MED25: variants seen among roughly 807,000 people sequenced by gnomAD.
The protein encoded by MED25 is mediator complex subunit 25.
In MED25, 62 loss-of-function variants were observed where a neutral mutation model predicts 89.4. The ratio of observed to expected loss-of-function variants is 0.69; its 90% CI spans 0.57 to 0.86. The LOEUF (loss-of-function observed/expected upper bound fraction) is 0.86, where lower values mean the gene tolerates loss of function less well. Among genes scored for constraint, MED25 ranks in the 40% least tolerant of loss-of-function variants. The probability of loss-of-function intolerance (pLI) is 0.00; values close to 1 mark genes in which losing one functional copy is unlikely to be tolerated. For missense variants in MED25, 905 were observed against 1,005.2 expected, an observed-to-expected ratio of 0.90 and a Z score of 1.35; for synonymous variants, 449 against 427.9, an observed-to-expected ratio of 1.05 and a Z score of -0.61.
At chr19:49,832,044 G>T in intron 11 of MED25, 23 bp downstream of exon 11, 1 of 1,612,924 alleles carries the variant, frequency 6.2e-7, no homozygotes, top group Non-Finnish European at 8.5e-7. Flanking sequence ...CAGGGGCGGG[G>T]TGTGGTGGGG....
At chr19:49,821,583 A>G (rs1198939485) in intron 3 of MED25, among the ~76,000 whole-genome samples, 3 of 151,776 alleles carry the variant, frequency 2.0e-5, no homozygotes, top group African/African-American at 4.8e-5. Context: ...CCTGTCCAAC[A>G]TGGTGAAACC....
intron 3 of MED25, among the ~76,000 whole-genome samples, chr19:49,825,247 T>G (rs139620856): frequency 2.6e-5 from 4 of 152,018 alleles, no homozygotes; most frequent in African/African-American, 4.8e-5. Flanking sequence ...ATAAGGGTTT[T>G]GTTTTGTTTT....
rs2074058306 is a variant in MED25 at position 49,831,620 on chromosome 19, A to G, written c.1230+159A>G. Among the ~76,000 whole-genome samples, 2 of 152,172 alleles carry G rather than the reference A, an allele frequency of 1.3e-5. No homozygotes were observed. The highest frequency in any genetic ancestry group is 2.9e-5 in the Non-Finnish European group (2 of 68,024). Reference sequence around the variant, plus strand: ...GATGCGGGGCGAGGCCAGGAGCCCCATGGAGTGGTGGGACTTGCGGTACAG... The same window carrying G: ...GATGCGGGGCGAGGCCAGGAGCCCCGTGGAGTGGTGGGACTTGCGGTACAG... On this transcript the variant is annotated intron_variant, in intron 10 of 17. Transcript: ENST00000312865. The surrounding 1 kb of genome is among the most constrained non-coding windows in gnomAD (Gnocchi z 5.0).
At position 49,835,194 on chromosome 19, in the gene MED25, C is replaced by T. The variant is rs2074086439; in HGVS notation, c.1674+17C>T. 8 of 1,613,458 alleles carry T rather than the reference C, an allele frequency of 5.0e-6. No homozygotes were observed. Among genetic ancestry groups the T allele is most frequent in the Non-Finnish European group, 6.8e-6 (8 of 1,179,834 alleles). ...CAGCGAGGAGTGAGTGTTGACAGTC[C>T]CCAAACCAGCACTCCGACCCCCTCC... On this transcript the variant is annotated intron_variant, in intron 14 of 17. Transcript: ENST00000312865. This position sits in a 1 kb window ranked among gnomAD's most constrained non-coding sequence, Gnocchi z 6.2.
At position 49,831,514 on chromosome 19, in the gene MED25, T is replaced by TGGGCATGTAGGACTCATGGGGCC; in HGVS notation, c.1230+54_1230+76dup. 6.3e-7 allele frequency: 1 copy of TGGGCATGTAGGACTCATGGGGCC among 1,591,660 alleles called. No individual in the cohort carries two copies. Among genetic ancestry groups the TGGGCATGTAGGACTCATGGGGCC allele is most frequent in the East Asian group, 2.3e-5 (1 of 44,256 alleles). ...CTTGGGACTCCTGGGGCCGTGGGGC[T>TGGGCATGTAGGACTCATGGGGCC]GGGCATGTAGGACTCATGGGGCCAG... On this transcript the variant is annotated intron_variant, in intron 10 of 17. Coordinates refer to ENST00000312865, the MANE Select transcript of MED25 (RefSeq NM_030973.4). The surrounding 1 kb of genome is among the most constrained non-coding windows in gnomAD (Gnocchi z 5.0).
rs776258157 is a variant in MED25, at chr19:49,836,794, CCTGGGCCCAAGGGCCTA to C, written c.2147-47_2147-31del. On this transcript the variant is annotated intron_variant, in intron 17 of 17. Transcript: ENST00000312865. The surrounding 1 kb of genome is among the most constrained non-coding windows in gnomAD (Gnocchi z 5.1). The stretch of plus-strand genomic sequence containing the variant: ...AGAAAACTTAGTGCCTCTGGGCCCT[CCTGGGCCCAAGGGCCTA>C]CTGGGAGATGCAGTCCCTTCCCCAC... The C allele has an allele frequency of 9.0e-5, 127 of 1,410,092 alleles. No individual in the cohort carries two copies. Among genetic ancestry groups the C allele is most frequent in the Non-Finnish European group, 1.1e-4 (115 of 1,003,252 alleles). 87.3% of individuals were successfully genotyped at this position (1,410,092 alleles called of 1,614,324 possible).
chr19:49,819,872 T>C (rs2073970336), intron 3 of MED25: 1 of 175,014 alleles, frequency 5.7e-6, no homozygotes, highest in East Asian at 1.7e-4. Flanking sequence ...TCTCCCAGGC[T>C]TGTAGTGCAG....
chr19:49,839,588 C>T (rs1230730064), downstream of MED25: 1 of 152,222 alleles, frequency 6.6e-6, no homozygotes, highest in Non-Finnish European at 1.5e-5. Flanking sequence ...GTGGGTTCCC[C>T]TGAGAAGGTT....
At position 49,831,962 on chromosome 19, in the gene MED25, C is replaced by CCA. The variant is rs2074060555; in HGVS notation, c.1257_1258insCA (p.Asn420GlnfsTer5). 1.2e-6 allele frequency: 2 copies of CCA among 1,613,708 alleles called. No homozygotes were observed. The highest frequency in any genetic ancestry group is 4.5e-5 in the East Asian group (2 of 44,860). ...AACCCAAACCTGCCTCAGTGGATGC[C>CCA]AACACCAAGCTGACGCGGTCACTGC... On this transcript the variant is annotated frameshift_variant, in exon 11 of 18. Coordinates refer to ENST00000312865, the MANE Select transcript of MED25 (RefSeq NM_030973.4). LOFTEE classifies it high-confidence loss of function. The surrounding 1 kb of genome is among the most constrained non-coding windows in gnomAD (Gnocchi z 5.0).
In MED25 at chr19:49,835,453, C is replaced by T; in HGVS notation, c.1675-81C>T. 2 of 1,376,186 alleles carry T rather than the reference C, an allele frequency of 1.5e-6. No homozygotes were observed. Among genetic ancestry groups the T allele is most frequent in the South Asian group, 1.4e-5 (1 of 71,506 alleles). 85.2% of individuals were successfully genotyped at this position (1,376,186 alleles called of 1,614,324 possible). Reference sequence around the variant, plus strand: ...ATGTCCCCATCTCCTTACTAGTTCCCCTCAGGGCACAGGCCCTCCCGCCTC... The same window carrying T: ...ATGTCCCCATCTCCTTACTAGTTCCTCTCAGGGCACAGGCCCTCCCGCCTC... On this transcript the variant is annotated intron_variant, in intron 14 of 17. Coordinates refer to ENST00000312865, the MANE Select transcript of MED25 (RefSeq NM_030973.4). The surrounding 1 kb of genome is among the most constrained non-coding windows in gnomAD (Gnocchi z 6.2).
intron 3 of MED25, among the ~76,000 whole-genome samples, chr19:49,822,332 G>A (rs1600316629): frequency 6.7e-6 from 1 of 149,306 alleles, no homozygotes; most frequent in Non-Finnish European, 1.5e-5. Flanking sequence ...TGTAATCCTA[G>A]CTACTCAGGA....
intron 4 of MED25, 60 bp from the exon 5 acceptor site, chr19:49,828,910 T>C: frequency 6.2e-7 from 1 of 1,610,278 alleles, no homozygotes; most frequent in Non-Finnish European, 8.5e-7. Context: ...GTGCTGGGTC[T>C]GGGTTCCTTC....
Position 49,836,634 on chromosome 19 carries a change from G to T in MED25, c.2147-213G>T. 1.3e-6 allele frequency: 1 copy of T among 741,774 alleles called. No homozygotes were observed. Among genetic ancestry groups the T allele is most frequent in the South Asian group, 1.5e-5 (1 of 67,332 alleles). The allele number at this position is 741,774 out of a possible 1,614,324, so 45.9% of individuals were successfully genotyped here. A position where few individuals can be genotyped will look rare whatever the true frequency, so the allele number is the denominator to read the frequency against. ...CATGATCCTCCTGTGTGTGCTCCTGGGATTGCTGGGAAATGTGGTCTTAGG... is the reference window on the plus strand; with the variant it reads ...CATGATCCTCCTGTGTGTGCTCCTGTGATTGCTGGGAAATGTGGTCTTAGG... On this transcript the variant is annotated intron_variant, in intron 17 of 17. Coordinates refer to ENST00000312865, the MANE Select transcript of MED25 (RefSeq NM_030973.4). This position sits in a 1 kb window ranked among gnomAD's most constrained non-coding sequence, Gnocchi z 5.1.
chr19:49,829,832 T>C lies in MED25; in HGVS notation c.572T>C (p.Leu191Pro), dbSNP rs1322569967. The C allele has an allele frequency of 6.2e-7, 1 of 1,609,876 alleles. No homozygotes were observed. Among genetic ancestry groups the C allele is most frequent in the South Asian group, 1.1e-5 (1 of 90,678 alleles). The change falls in exon 6 of 18, where the codon CTT (leucine) becomes CCT (proline). Residue 191 changes from leucine to proline, a missense_variant. By Grantham distance (98) the Leu-to-Pro change is moderately conservative. Transcript: ENST00000312865. This position sits in a 1 kb window ranked among gnomAD's most constrained non-coding sequence, Gnocchi z 4.6. ...SIVSPRKLPA[L>P]RLLFEKAAPP... ...GTGTCTCCCCGGAAGCTGCCTGCGCTTCGGCTTCTGTTTGAGAAGGCAGCC... is the reference window on the plus strand; with the variant it reads ...GTGTCTCCCCGGAAGCTGCCTGCGCCTCGGCTTCTGTTTGAGAAGGCAGCC...
intron 3 of MED25, among the ~76,000 whole-genome samples, chr19:49,827,071 C>T (rs752768391): frequency 9.9e-5 from 15 of 152,154 alleles, no homozygotes; most frequent in African/African-American, 1.7e-4. Flanking sequence ...ACCCCATCCC[C>T]GCCTGTGGGA....
At position 49,836,022 on chromosome 19, in the gene MED25, G is replaced by T; in HGVS notation, c.1965+77G>T. The T allele has an allele frequency of 6.4e-7, 1 of 1,572,096 alleles. No homozygotes were observed. On this transcript the variant is annotated intron_variant, in intron 16 of 17. Coordinates refer to ENST00000312865, the MANE Select transcript of MED25 (RefSeq NM_030973.4). This position sits in a 1 kb window ranked among gnomAD's most constrained non-coding sequence, Gnocchi z 5.1. ...TCTGGTCCTGTTGTCTGGGAGGAGG[G>T]AGGTTGACTGTGGTCAGTGGGTGTG...
rs748251579 is a variant in MED25, at chr19:49,818,308, G to C, written c.-34G>C. ...CTGCTCATTCCGCGGCGTCGGCTGC[G>C]GCTGCAGTGGTGGTGGCGGGTACCG... is the stretch of plus-strand genomic sequence containing the variant. On this transcript the variant is annotated 5_prime_UTR_variant, in exon 1 of 18. Coordinates refer to ENST00000312865, the MANE Select transcript of MED25 (RefSeq NM_030973.4). 4 of 1,562,406 alleles carry C rather than the reference G, an allele frequency of 2.6e-6. No homozygotes were observed. The African/African-American group carries it at 4.1e-5, about 16-fold the overall frequency.
rs2074056538 is a variant in MED25 at position 49,831,393 on chromosome 19, G to C, written c.1162G>C (p.Ala388Pro). Reference sequence around the variant, plus strand: ...TTCCCCAGCCCAGCTGGGAGCCCCAGCCCTCGGTGGGCAGCAGTCAGTCTC... The same window carrying C: ...TTCCCCAGCCCAGCTGGGAGCCCCACCCCTCGGTGGGCAGCAGTCAGTCTC... Reference protein sequence around the residue: ...GPSPAQLGAPALGGQQSVSNK... With the variant: ...GPSPAQLGAPPLGGQQSVSNK... Residue 388 changes from alanine (A) to proline (P), a missense_variant, in exon 10 of 18, where the codon GCC (alanine) becomes CCC (proline). This residue lies in a region of MED25 where 501 missense variants were observed against 526.9 expected (regional missense o/e 0.95). Coordinates refer to ENST00000312865, the MANE Select transcript of MED25 (RefSeq NM_030973.4). The surrounding 1 kb of genome is among the most constrained non-coding windows in gnomAD (Gnocchi z 5.0). The C allele has an allele frequency of 1.2e-6, 2 of 1,611,050 alleles. No individual in the cohort carries two copies. The highest frequency in any genetic ancestry group is 1.7e-6 in the Non-Finnish European group (2 of 1,178,866).
Position 49,831,839 on chromosome 19 carries a change from C to A in MED25, c.1231-97C>A. The A allele has an allele frequency of 8.8e-7, 1 of 1,139,206 alleles. No homozygotes were observed. The highest frequency in any genetic ancestry group is 1.3e-6 in the Non-Finnish European group (1 of 754,738). The allele number at this position is 1,139,206 out of a possible 1,614,324, so 70.6% of individuals were successfully genotyped here. ...GGCTCATGGGACTTAAACTGGGGAA[C>A]ATCCTGAGCTTTGGGGCTACCAGGG... On this transcript the variant is annotated intron_variant, in intron 10 of 17. Transcript: ENST00000312865. The surrounding 1 kb of genome is among the most constrained non-coding windows in gnomAD (Gnocchi z 5.0).
Sources: gnomAD v4.1 joint callset for allele counts (sites outside exome capture counted in the v4.1 genomes callset) on GRCh38, gnomAD v4.1.1 for gene constraint, gnomAD v4.1.1 regional missense constraint, Gnocchi (gnomAD v3.1) non-coding constraint, MANE v1.5 for transcripts, NCBI Gene and HGNC (gene_info 2026-07-23, HGNC 2026-07-21) for gene names.